Variants in LOX observed in about 807,000 individuals in gnomAD.
The protein encoded by LOX is protein-lysine 6-oxidase.
In LOX, 12 loss-of-function variants were observed where a neutral mutation model predicts 50.5. The observed-to-expected ratio is 0.24, with a 90% CI of 0.15 to 0.38. The LOEUF (loss-of-function observed/expected upper bound fraction) is 0.38, where lower values mean the gene tolerates loss of function less well. Among genes scored for constraint, LOX ranks in the 10% least tolerant of loss-of-function variants. The probability of loss-of-function intolerance (pLI) is 1.00; values close to 1 mark genes in which losing one functional copy is unlikely to be tolerated. For synonymous variants in LOX, 254 were observed against 230.6 expected, an observed-to-expected ratio of 1.10 and a Z score of -0.92; for missense variants, 504 against 563.8, an observed-to-expected ratio of 0.89 and a Z score of 1.07.
rs182442371 is a variant in LOX at position 122,078,024 on chromosome 5, T to G, written c.-39A>C. On this transcript the variant is annotated 5_prime_UTR_variant, in exon 1 of 7. Transcript: ENST00000231004. ...AGATTGACCCCGCTCGAGGAGGACG[T>G]GGCTCACAGAAAATAAAAACGGGGC... 3 of 1,432,290 alleles carry G rather than the reference T, an allele frequency of 2.1e-6. No homozygotes were observed. Among genetic ancestry groups the G allele is most frequent in the East Asian group, 2.7e-5 (1 of 37,122 alleles). 88.7% of individuals were successfully genotyped at this position (1,432,290 alleles called of 1,614,324 possible).
chr5:122,075,657 T>TCA, intron 2 of LOX, 116 bp from the exon 3 acceptor site: 1 of 664,624 alleles, frequency 1.5e-6, no homozygotes. Context: ...AACTAGACTA[T>TCA]CAGTTCCAAG....
intron 6 of LOX, among the ~76,000 whole-genome samples, chr5:122,069,501 GA>G (rs985824248): frequency 2.6e-5 from 4 of 152,040 alleles, no homozygotes; most frequent in Non-Finnish European, 4.4e-5. Flanking sequence ...AGAGTCTCAG[GA>G]GTAGGAATAT....
At position 122,075,479 on chromosome 5, in the gene LOX, C is replaced by T; in HGVS notation, c.803G>A (p.Arg268Lys). Residue 268 changes from arginine to lysine, a missense_variant, in exon 3 of 7, where the codon AGA becomes AAA. Around this residue, in one of 2 missense-constraint regions of LOX, gnomAD observed 106 missense variants for 198.1 expected, o/e 0.54. Coordinates refer to ENST00000231004, the MANE Select transcript of LOX (RefSeq NM_002317.7). The part of the protein sequence containing the change: ...DHRVLLRFPQ[R>K]VKNQGTSDFL... ...ATCTGATGTCCCTTGGTTTTTCACTCTTTGGGGAAATCTGAGCAGCACCCT... is the reference window on the plus strand; with the variant it reads ...ATCTGATGTCCCTTGGTTTTTCACTTTTTGGGGAAATCTGAGCAGCACCCT... 1.2e-6 allele frequency: 2 copies of T among 1,613,464 alleles called. No individual in the cohort carries two copies. The highest frequency in any genetic ancestry group is 1.7e-6 in the Non-Finnish European group (2 of 1,179,554).
At chr5:122,067,517 C>T (rs987534532) in intron 6 of LOX, among the ~76,000 whole-genome samples, 2 of 152,074 alleles carry the variant, frequency 1.3e-5, no homozygotes, top group Admixed American at 1.3e-4. Flanking sequence ...CATGATATGT[C>T]TTCAGAGTCA....
chr5:122,070,663 G>A (rs1754424604), intron 4 of LOX, 74 bp from the exon 5 acceptor site: 2 of 749,828 alleles, frequency 2.7e-6, no homozygotes, highest in South Asian at 1.9e-5. Context: ...GCTATTATTT[G>A]CAAATTAAAT....
At chr5:122,072,796 G>A (rs1484932076) in intron 4 of LOX, among the ~76,000 whole-genome samples, 1 of 152,202 alleles carries the variant, frequency 6.6e-6, no homozygotes, top group East Asian at 1.9e-4. Context: ...CAAAGAAGGG[G>A]GGGAACCAGA....
Position 122,077,688 on chromosome 5 carries a change from C to G in LOX, c.298G>C (p.Ala100Pro), listed in dbSNP as rs762913437. 91 of 1,599,356 alleles carry G rather than the reference C, an allele frequency of 5.7e-5. No homozygotes were observed. Among genetic ancestry groups the G allele is most frequent in the Non-Finnish European group, 7.6e-5 (89 of 1,175,262 alleles). ...PILLIRDNRT[A>P]AARTRTAGSS... ...CCGGCCGTCCGCGTTCGCGCCGCGGCGGTGCGGTTGTCGCGGATCAGCAGG... is the reference window on the plus strand; with the variant it reads ...CCGGCCGTCCGCGTTCGCGCCGCGGGGGTGCGGTTGTCGCGGATCAGCAGG... The change falls in exon 1 of 7, where the codon GCC (alanine) becomes CCC (proline). Residue 100 changes from alanine (A) to proline (P), a missense_variant. By Grantham distance (27) the Ala-to-Pro change is conservative (BLOSUM62 -1). This residue lies in a region of LOX where 398 missense variants were observed against 365.8 expected (regional missense o/e 1.09). Transcript: ENST00000231004. The surrounding 1 kb of genome is among the most constrained non-coding windows in gnomAD (Gnocchi z 4.9).
At chr5:122,068,722 A>C (rs1379929845) in intron 6 of LOX, among the ~76,000 whole-genome samples, 1 of 152,154 alleles carries the variant, frequency 6.6e-6, no homozygotes, top group African/African-American at 2.4e-5. Flanking sequence ...ATAAGGCTAC[A>C]GCAGTATAGA....
In LOX at chr5:122,077,868, C is replaced by T; in HGVS notation, c.118G>A (p.Gly40Ser). The T allele has an allele frequency of 6.5e-7, 1 of 1,535,646 alleles. No individual in the cohort carries two copies. The highest frequency in any genetic ancestry group is 8.7e-7 in the Non-Finnish European group (1 of 1,146,622). The change falls in exon 1 of 7, where the codon GGC becomes AGC. Residue 40 changes from glycine (G) to serine (S), a missense_variant. Around this residue, in one of 2 missense-constraint regions of LOX, gnomAD observed 398 missense variants for 365.8 expected, o/e 1.09. Coordinates refer to ENST00000231004, the MANE Select transcript of LOX (RefSeq NM_002317.7). This position sits in a 1 kb window ranked among gnomAD's most constrained non-coding sequence, Gnocchi z 4.9. ...QPPREPPAAP[G>S]AWRQQIQWEN... ...CATTGGATCTGCTGGCGCCAGGCGC[C>T]CGGAGCCGCCGGCGGCTCGCGCGGG...
intron 4 of LOX, among the ~76,000 whole-genome samples, chr5:122,072,744 A>G (rs1174571139): frequency 6.6e-6 from 1 of 152,220 alleles, no homozygotes; most frequent in Admixed American, 6.5e-5. Context: ...ATGGAAGATG[A>G]TTAACAAGAA....
rs946703127 is a variant in LOX at position 122,064,152 on chromosome 5, A to G, written c.*2591T>C. 9.2e-5 allele frequency: 14 copies of G among 151,970 alleles called. No individual in the cohort carries two copies. The highest frequency in any genetic ancestry group is 3.4e-4 in the African/African-American group (14 of 41,408). The allele number at this position is 151,970 out of a possible 1,614,324, so 9.4% of individuals were successfully genotyped here. The stretch of plus-strand genomic sequence containing the variant: ...TTAGTGTAAAAGCCAATCTCCTGTC[A>G]GTACTCAACATTCTTTTTATCATTG... On this transcript the variant is annotated 3_prime_UTR_variant, in exon 7 of 7. Transcript: ENST00000231004.
In LOX at chr5:122,077,955, C is replaced by G. The variant is rs370627614; in HGVS notation, c.31G>C (p.Gly11Arg). The change falls in exon 1 of 7, where the codon GGG (glycine) becomes CGG (arginine). Residue 11 changes from glycine to arginine, a missense_variant. Coordinates refer to ENST00000231004, the MANE Select transcript of LOX (RefSeq NM_002317.7). The surrounding 1 kb of genome is among the most constrained non-coding windows in gnomAD (Gnocchi z 4.9). MRFAWTVLLL[G>R]PLQLCALVHC... ...ACTAGCGCGCAGAGCTGCAAAGGCC[C>G]GAGCAGGAGCACGGTCCAGGCGAAG... The G allele has an allele frequency of 2.6e-5, 39 of 1,476,934 alleles. No individual in the cohort carries two copies. Among genetic ancestry groups the G allele is most frequent in the Non-Finnish European group, 2.8e-5 (31 of 1,122,570 alleles). The allele number at this position is 1,476,934 out of a possible 1,614,324, so 91.5% of individuals were successfully genotyped here.
intron 3 of LOX, 41 bp downstream of exon 3, chr5:122,075,363 G>A (rs746591395): frequency 2.6e-6 from 4 of 1,534,470 alleles, no homozygotes; most frequent in Non-Finnish European, 3.5e-6. Context: ...CCTGAGAAAT[G>A]AAAAGCAACC....
chr5:122,074,293 T>A, intron 3 of LOX, 124 bp from the exon 4 acceptor site: 1 of 755,072 alleles, frequency 1.3e-6, no homozygotes. Context: ...ACCAAATTTA[T>A]CTTCTAAAAG....
chr5:122,074,320 GT>G (rs145567866), intron 3 of LOX, 151 bp from the exon 4 acceptor site: 49 of 618,966 alleles, frequency 7.9e-5, no homozygotes, highest in Admixed American at 1.5e-4. Context: ...TCATGCTAGG[GT>G]TTTTTTTTCC....
At position 122,064,828 on chromosome 5, in the gene LOX, C is replaced by T. The variant is rs1416179060; in HGVS notation, c.*1915G>A. The T allele has an allele frequency of 6.6e-6, 1 of 151,948 alleles. No individual in the cohort carries two copies. Among genetic ancestry groups the T allele is most frequent in the African/African-American group, 2.4e-5 (1 of 41,388 alleles). 9.4% of individuals were successfully genotyped at this position (151,948 alleles called of 1,614,324 possible). A position where few individuals can be genotyped will look rare whatever the true frequency, so the allele number is the denominator to read the frequency against. Reference sequence around the variant, plus strand: ...GCCCAATGAATGATTGTAAATGTGTCTTCTCCTATGTATCCATGATGATAT... The same window carrying T: ...GCCCAATGAATGATTGTAAATGTGTTTTCTCCTATGTATCCATGATGATAT... On this transcript the variant is annotated 3_prime_UTR_variant, in exon 7 of 7. Coordinates refer to ENST00000231004, the MANE Select transcript of LOX (RefSeq NM_002317.7).
intron 2 of LOX, among the ~76,000 whole-genome samples, chr5:122,076,450 A>C (rs1754636539): frequency 6.6e-6 from 1 of 152,220 alleles, no homozygotes; most frequent in Non-Finnish European, 1.5e-5. Flanking sequence ...TCGTGGTCTC[A>C]AACAAAAGAG....
chr5:122,069,924 T>C, intron 6 of LOX, 129 bp downstream of exon 6: 1 of 765,840 alleles, frequency 1.3e-6, no homozygotes, highest in Non-Finnish European at 2.4e-6. Context: ...TGCATACCAT[T>C]TTCTGCCTTT....
chr5:122,076,586 T>C (rs977430670), intron 2 of LOX, among the ~76,000 whole-genome samples: 1 of 152,212 alleles, frequency 6.6e-6, no homozygotes, highest in Non-Finnish European at 1.5e-5. Flanking sequence ...TTATGAAAAG[T>C]GATTGGAACA....
Sources: gnomAD v4.1 joint callset for allele counts (sites outside exome capture counted in the v4.1 genomes callset) on GRCh38, gnomAD v4.1.1 for gene constraint, gnomAD v4.1.1 regional missense constraint, Gnocchi (gnomAD v3.1) non-coding constraint, MANE v1.5 for transcripts, NCBI Gene and HGNC (gene_info 2026-07-23, HGNC 2026-07-21) for gene names.